Variants in NABP2 observed in about 807,000 individuals in gnomAD.
The protein encoded by NABP2 is nucleic acid binding protein 2.
Under a neutral mutation model 22.7 loss-of-function variants are expected in NABP2, and 7 were observed. The observed-to-expected ratio is 0.31, with a 90% confidence interval of 0.18 to 0.58. The LOEUF (loss-of-function observed/expected upper bound fraction) is 0.58. Among genes scored for constraint, NABP2 ranks in the 20% least tolerant of loss-of-function variants. The pLI is 0.89. For missense variants in NABP2, 188 were observed against 265.9 expected (o/e 0.71, Z 2.04); for synonymous variants, 107 against 99.2 (o/e 1.08, Z -0.47).
At chr12:56,227,077 G>A (rs1293922020) in intron 6 of NABP2, among the ~76,000 whole-genome samples, 2 of 150,734 alleles carry the variant, frequency 1.3e-5, no homozygotes, top group Non-Finnish European at 3.0e-5. Flanking sequence ...TAGAGATATG[G>A]TTTAAGAACT....
upstream of NABP2, chr12:56,223,511 T>A (rs1407662735): frequency 6.8e-6 from 1 of 147,630 alleles, no homozygotes; most frequent in Non-Finnish European, 1.5e-5. Context: ...CACTCCAGCC[T>A]GGGTTACACA....
At chr12:56,226,055 G>A (rs1869745713) in intron 4 of NABP2, 124 bp from the exon 5 acceptor site, 2 of 835,336 alleles carry the variant, frequency 2.4e-6, no homozygotes, top group African/African-American at 1.7e-5. Context: ...TCCCGCTTCT[G>A]CCTCCCAAAG....
At chr12:56,227,298 C>A (rs1869818676) in intron 6 of NABP2, among the ~76,000 whole-genome samples, 1 of 151,406 alleles carries the variant, frequency 6.6e-6, no homozygotes, top group East Asian at 2.0e-4. Flanking sequence ...ATGGCTTGAA[C>A]CTGGGAAGTG....
At position 56,229,356 on chromosome 12, in the gene NABP2, T is replaced by A; in HGVS notation, c.*143T>A. On this transcript the variant is annotated 3_prime_UTR_variant, in exon 7 of 7. Transcript: ENST00000267023. The stretch of plus-strand genomic sequence containing the variant: ...TGGTGAGCAGTGTCCTTATCCACCC[T>A]AATCTCATACTCCCTCATTGTCCAG... The A allele has an allele frequency of 1.2e-6, 1 of 805,394 alleles. No individual in the cohort carries two copies. Among genetic ancestry groups the A allele is most frequent in the Non-Finnish European group, 2.0e-6 (1 of 503,202 alleles). The allele number at this position is 805,394 out of a possible 1,614,324, so 49.9% of individuals were successfully genotyped here. A position where few individuals can be genotyped will look rare whatever the true frequency, so the allele number is the denominator to read the frequency against.
At chr12:56,225,595 C>T in intron 3 of NABP2, 29 bp from the exon 4 acceptor site, 2 of 1,614,104 alleles carry the variant, frequency 1.2e-6, no homozygotes, top group Non-Finnish European at 1.7e-6. Context: ...CTTCTGAGTA[C>T]TGAATTTTGC....
Position 56,224,819 on chromosome 12 carries a change from C to G in NABP2, c.-23-15C>G. 6.2e-7 allele frequency: 1 copy of G among 1,606,376 alleles called. No homozygotes were observed. Among genetic ancestry groups the G allele is most frequent in the East Asian group, 2.2e-5 (1 of 44,828 alleles). Reference sequence around the variant, plus strand: ...GATCCAAGCATTGAGCCTTCATCCTCTATTCCCCATCCAGTGGGGTGCCGA... The same window carrying G: ...GATCCAAGCATTGAGCCTTCATCCTGTATTCCCCATCCAGTGGGGTGCCGA... On this transcript the variant is annotated splice_polypyrimidine_tract_variant and intron_variant, in intron 1 of 6. Coordinates refer to ENST00000267023, the MANE Select transcript of NABP2 (RefSeq NM_024068.4).
At chr12:56,224,173 G>A (rs1869644962), upstream of NABP2, among the ~76,000 whole-genome samples, 2 of 152,224 alleles carry the variant, frequency 1.3e-5, no homozygotes, top group South Asian at 4.1e-4. Flanking sequence ...TCCCCCTACA[G>A]AGCCAACTAT....
chr12:56,225,707 C>T lies in NABP2; in HGVS notation c.290+12C>T. 6.2e-7 allele frequency: 1 copy of T among 1,614,016 alleles called. No homozygotes were observed. Among genetic ancestry groups the T allele is most frequent in the South Asian group, 1.1e-5 (1 of 91,074 alleles). On this transcript the variant is annotated intron_variant, in intron 4 of 6. Transcript: ENST00000267023. ...CAGAAGATTGGAGAGTAAGTGCTGT[C>T]TTGGGGATTGGGATGAAGAAGCACC...
upstream of NABP2, chr12:56,222,292 C>T (rs1336237255): frequency 6.6e-6 from 1 of 152,250 alleles, no homozygotes; most frequent in Admixed American, 6.5e-5. Context: ...CGGCCCCTCT[C>T]CCTTTTCCAG....
intron 1 of NABP2, 112 bp from the exon 2 acceptor site, chr12:56,224,722 G>A: frequency 2.9e-6 from 3 of 1,031,456 alleles, no homozygotes; most frequent in Non-Finnish European, 4.4e-6. Flanking sequence ...AGAAGGGTTA[G>A]AGGGGTTGAG....
chr12:56,224,162 T>C (rs1024311716), upstream of NABP2, among the ~76,000 whole-genome samples: 1 of 152,234 alleles, frequency 6.6e-6, no homozygotes, highest in African/African-American at 2.4e-5. Context: ...TGGTGGATTT[T>C]TCCCCCTACA....
Position 56,229,243 on chromosome 12 carries a change from A to G in NABP2, c.*30A>G, listed in dbSNP as rs750830089. The G allele has an allele frequency of 5.0e-6, 8 of 1,610,488 alleles. No homozygotes were observed. The highest frequency in any genetic ancestry group is 6.8e-6 in the Non-Finnish European group (8 of 1,179,002). On this transcript the variant is annotated 3_prime_UTR_variant, in exon 7 of 7. Coordinates refer to ENST00000267023, the MANE Select transcript of NABP2 (RefSeq NM_024068.4). Reference sequence around the variant, plus strand: ...ACATTCTTTCTTCCTGCCACCAACCACATCCCAAGTGTCCCCTGGAGAGCA... The same window carrying G: ...ACATTCTTTCTTCCTGCCACCAACCGCATCCCAAGTGTCCCCTGGAGAGCA...
intron 1 of NABP2, 122 bp downstream of exon 1, chr12:56,224,563 CT>C: frequency 8.2e-7 from 1 of 1,218,636 alleles, no homozygotes; most frequent in Non-Finnish European, 1.0e-6. Flanking sequence ...TTCCCTACCC[CT>C]GTCTACGTCG....
intron 6 of NABP2, among the ~76,000 whole-genome samples, chr12:56,228,757 A>G (rs917717798): frequency 6.6e-6 from 1 of 152,104 alleles, no homozygotes; most frequent in Non-Finnish European, 1.5e-5. Context: ...CTGATTCCCA[A>G]TAATAGTGAG....
chr12:56,224,621 G>A, intron 1 of NABP2, 180 bp downstream of exon 1: 1 of 1,174,274 alleles, frequency 8.5e-7, no homozygotes. Flanking sequence ...CCCGGCAGGG[G>A]GCCTTCCAGC....
chr12:56,227,919 G>A (rs1412927525), intron 6 of NABP2, among the ~76,000 whole-genome samples: 1 of 152,222 alleles, frequency 6.6e-6, no homozygotes, highest in Non-Finnish European at 1.5e-5. Context: ...CTAGCTGGGC[G>A]CAGTGGCTCG....
At position 56,224,935 on chromosome 12, in the gene NABP2, G is replaced by C. The variant is rs1206742766; in HGVS notation, c.79G>C (p.Gly27Arg). The change falls in exon 2 of 7, where the codon GGC becomes CGC. Residue 27 changes from glycine to arginine, a missense_variant and splice_region_variant. Transcript: ENST00000267023. ...CCTTATCTTCATTGTGCTGGAGACA[G>C]GTGTCTATACTGGGGTGGCGGGTTC... is the stretch of plus-strand genomic sequence containing the variant. ...LNLIFIVLET[G>R]RVTKTKDGHE... 1 of 1,606,706 alleles carries C rather than the reference G, an allele frequency of 6.2e-7. No homozygotes were observed. The highest frequency in any genetic ancestry group is 8.5e-7 in the Non-Finnish European group (1 of 1,174,694).
At position 56,229,076 on chromosome 12, in the gene NABP2, C is replaced by T; in HGVS notation, c.499C>T (p.Pro167Ser). 6.2e-7 allele frequency: 1 copy of T among 1,612,064 alleles called. No individual in the cohort carries two copies. Among genetic ancestry groups the T allele is most frequent in the African/African-American group, 1.3e-5 (1 of 74,950 alleles). ...ACCAGGTCCCGGTGGTGGCCCACAT[C>T]CCCCTCATACTCCCTCCCACCCACC... Reference protein sequence around the residue: ...APPGPGGGPHPPHTPSHPPST... With the variant: ...APPGPGGGPHSPHTPSHPPST... The change falls in exon 7 of 7, where the codon CCC becomes TCC. Residue 167 changes from proline to serine, a missense_variant. Physicochemically the swap from Pro to Ser is moderately conservative, Grantham distance 74 (BLOSUM62 -1). Transcript: ENST00000267023.
In NABP2 at chr12:56,226,428, G is replaced by T; in HGVS notation, c.436+9G>T. 1 of 1,612,138 alleles carries T rather than the reference G, an allele frequency of 6.2e-7. No individual in the cohort carries two copies. Among genetic ancestry groups the T allele is most frequent in the Middle Eastern group, 2.0e-4 (1 of 4,958 alleles). Reference sequence around the variant, plus strand: ...CTCTGCTGCCTCTCCAGGTAAATCTGTTCCCTTCTATCCACTGGTCCTCCT... The same window carrying T: ...CTCTGCTGCCTCTCCAGGTAAATCTTTTCCCTTCTATCCACTGGTCCTCCT... On this transcript the variant is annotated intron_variant, in intron 6 of 6. Coordinates refer to ENST00000267023, the MANE Select transcript of NABP2 (RefSeq NM_024068.4).
Sources: allele counts gnomAD v4.1 joint callset (sites outside exome capture counted in the v4.1 genomes callset), GRCh38; gene constraint gnomAD v4.1.1; transcripts MANE v1.5; gene names NCBI Gene and HGNC (gene_info 2026-07-23, HGNC 2026-07-21).